FGFR2: variants seen among roughly 807,000 people sequenced by gnomAD.
The protein encoded by FGFR2 is BEK fibroblast growth factor receptor.
Under a neutral mutation model 95.9 loss-of-function variants are expected in FGFR2, and 19 were observed. The observed-to-expected ratio is 0.20, with a 90% CI of 0.14 to 0.29. FGFR2 has a LOEUF of 0.29. Among genes scored for constraint, FGFR2 ranks in the 10% least tolerant of loss-of-function variants. The pLI, the probability that FGFR2 is intolerant of heterozygous loss-of-function variation, is 1.00. For synonymous variants in FGFR2, 392 were observed against 393.3 expected (o/e 1.00, Z 0.04); for missense variants, 707 against 1,056.9 (o/e 0.67, Z 4.59).
rs1022488982 is a variant in FGFR2 at position 121,515,224 on chromosome 10, T to C, written c.1180A>G (p.Thr394Ala). The C allele has an allele frequency of 3.5e-5, 57 of 1,614,078 alleles. No individual in the cohort carries two copies. The highest frequency in any genetic ancestry group is 4.7e-5 in the Non-Finnish European group (56 of 1,180,032). Reference sequence around the variant, plus strand: ...TTCTTCATTCGGCACAGGATGACTGTTACCACCATACAGGCGATTAAGAAG... The same window carrying C: ...TTCTTCATTCGGCACAGGATGACTGCTACCACCATACAGGCGATTAAGAAG... ...GVFLIACMVV[T>A]VILCRMKNTT... is the part of the protein sequence containing the mutation. Residue 394 changes from threonine to alanine, a missense_variant, in exon 9 of 18, where the codon ACA becomes GCA. By Grantham distance (58) the Thr-to-Ala change is moderately conservative (BLOSUM62 0). This residue lies in a region of FGFR2 where 194 missense variants were observed against 267.3 expected (regional missense o/e 0.73). Transcript: ENST00000358487.
chr10:121,580,372 G>A (rs1860653752), intron 2 of FGFR2, among the ~76,000 whole-genome samples: 1 of 152,228 alleles, frequency 6.6e-6, no homozygotes, highest in South Asian at 2.1e-4. Context: ...ATTTGCAAAT[G>A]AAGCAGCAGC....
At position 121,520,644 on chromosome 10, in the gene FGFR2, A is replaced by AT. The variant is rs949178153; in HGVS notation, c.749-476dup. On this transcript the variant is annotated intron_variant, in intron 6 of 17. Coordinates refer to ENST00000358487, the MANE Select transcript of FGFR2 (RefSeq NM_000141.5). ...TCAATAGGCACATGTCTCCCAATAC[A>AT]TTTTTTTTTCTTTTCTCAGACGGGG... is the stretch of plus-strand genomic sequence containing the variant. 9.9e-5 allele frequency among the ~76,000 whole-genome samples: 15 copies of AT among 151,536 alleles called. No homozygotes were observed. In the East Asian group the frequency reaches 1.4e-3, roughly 14 times the overall value.
At chr10:121,555,698 C>T (rs1467806520) in intron 4 of FGFR2, among the ~76,000 whole-genome samples, 1 of 152,110 alleles carries the variant, frequency 6.6e-6, no homozygotes, top group Non-Finnish European at 1.5e-5. Flanking sequence ...CAGACCTAGC[C>T]ACAATCAATC....
At chr10:121,527,334 G>GACAC (rs1229914452) in intron 6 of FGFR2, among the ~76,000 whole-genome samples, 3 of 152,152 alleles carry the variant, frequency 2.0e-5, no homozygotes, top group African/African-American at 7.2e-5. Context: ...AAGTGTTTAA[G>GACAC]ACACTCTGAG....
At chr10:121,507,799 C>T (rs1417722940) in intron 9 of FGFR2, among the ~76,000 whole-genome samples, 4 of 152,302 alleles carry the variant, frequency 2.6e-5, no homozygotes, top group Middle Eastern at 3.4e-3. Flanking sequence ...ACACTTCTCT[C>T]TGGGTAACTT....
At chr10:121,564,427 A>G in intron 4 of FGFR2, 75 bp downstream of exon 4, 1 of 1,365,266 alleles carries the variant, frequency 7.3e-7, no homozygotes, top group Non-Finnish European at 1.0e-6. Flanking sequence ...AAGAGTCGAC[A>G]AGAAGACAGG....
At chr10:121,585,037 G>A (rs1438035880) in intron 2 of FGFR2, among the ~76,000 whole-genome samples, 1 of 152,050 alleles carries the variant, frequency 6.6e-6, no homozygotes, top group African/African-American at 2.4e-5. Flanking sequence ...TGGCAATGTG[G>A]CAGAGTATTT....
intron 9 of FGFR2, among the ~76,000 whole-genome samples, chr10:121,514,489 T>G (rs1316513433): frequency 6.6e-6 from 1 of 152,148 alleles, no homozygotes; most frequent in Non-Finnish European, 1.5e-5. Context: ...CATACAAATA[T>G]TCTACTAATA....
intron 2 of FGFR2, among the ~76,000 whole-genome samples, chr10:121,575,369 C>T (rs1038800292): frequency 1.3e-5 from 2 of 152,088 alleles, no homozygotes; most frequent in Non-Finnish European, 1.5e-5. Flanking sequence ...CTGATGTTTT[C>T]GGCTGTTCAT....
intron 2 of FGFR2, among the ~76,000 whole-genome samples, chr10:121,591,033 TTCC>T (rs970352985): frequency 2.0e-5 from 3 of 151,704 alleles, no homozygotes; most frequent in African/African-American, 7.3e-5. Flanking sequence ...TCTCTCTCTC[TTCC>T]AATTCACCAG....
rs1443966407 is a variant in FGFR2 at position 121,517,433 on chromosome 10, T to C, written c.970A>G (p.Ile324Val). 32 of 1,613,988 alleles carry C rather than the reference T, an allele frequency of 2.0e-5. No homozygotes were observed. Among genetic ancestry groups the C allele is most frequent in the Non-Finnish European group, 2.7e-5 (32 of 1,180,044 alleles). ...AAGVNTTDKE[I>V]EVLYIRNVTF... ...ACATTCCGAATATAGAGAACCTCAA[T>C]CTCTTTGTCCGTGGTGTTAACACCG... Residue 324 changes from isoleucine (I) to valine (V), a missense_variant, in exon 8 of 18, where the codon ATT becomes GTT. By Grantham distance (29) the Ile-to-Val change is conservative (BLOSUM62 3). This residue lies in a region of FGFR2 where 139 missense variants were observed against 278.1 expected (regional missense o/e 0.50). Coordinates refer to ENST00000358487, the MANE Select transcript of FGFR2 (RefSeq NM_000141.5). This position sits in a 1 kb window ranked among gnomAD's most constrained non-coding sequence, Gnocchi z 4.7.
In FGFR2 at chr10:121,482,070, C is replaced by T. The variant is rs2133732931; in HGVS notation, c.2301+1628G>A. The stretch of plus-strand genomic sequence containing the variant: ...GCCAGGCTGGTCTGGAACTCCTGAC[C>T]TCATGATCCGCCTGCCTCGGCCTCC... On this transcript the variant is annotated intron_variant, in intron 17 of 17. Transcript: ENST00000358487. The T allele has an allele frequency of 1.1e-5, 11 of 966,806 alleles. No homozygotes were observed. In the South Asian group the frequency reaches 1.3e-4, roughly 12 times the overall value. The allele number at this position is 966,806 out of a possible 1,614,324, so 59.9% of individuals were successfully genotyped here. A position where few individuals can be genotyped will look rare whatever the true frequency, so the allele number is the denominator to read the frequency against.
chr10:121,561,554 T>C (rs141958071), intron 4 of FGFR2, among the ~76,000 whole-genome samples: 339 of 151,408 alleles, frequency 2.2e-3, no homozygotes, highest in African/African-American at 7.7e-3. Context: ...TAACTTAAAA[T>C]AGATTACACA....
chr10:121,587,576 C>T (rs1215998563), intron 2 of FGFR2, among the ~76,000 whole-genome samples: 1 of 151,962 alleles, frequency 6.6e-6, no homozygotes, highest in Non-Finnish European at 1.5e-5. Flanking sequence ...CAAATAACCA[C>T]ATAAAAAGTA....
At chr10:121,538,749 A>G (rs372497895) in intron 5 of FGFR2, 34 bp from the exon 6 acceptor site, 5 of 1,614,140 alleles carry the variant, frequency 3.1e-6, no homozygotes, top group Non-Finnish European at 4.2e-6. Context: ...GTTATTTAAC[A>G]ATCCTAGCAC....
At chr10:121,492,624 G>C (rs183953462) in intron 13 of FGFR2, among the ~76,000 whole-genome samples, 1 of 152,216 alleles carries the variant, frequency 6.6e-6, no homozygotes, top group Non-Finnish European at 1.5e-5. Context: ...AGCCAGGGCC[G>C]GACCCTTTGC....
At chr10:121,497,825 C>T (rs542542944) in intron 12 of FGFR2, among the ~76,000 whole-genome samples, 2 of 152,308 alleles carry the variant, frequency 1.3e-5, no homozygotes, top group South Asian at 4.1e-4. Context: ...GCGACAAAGA[C>T]CATACGGCCC....
At chr10:121,482,203 A>C (rs1310089282) in intron 17 of FGFR2, 1 of 1,610,100 alleles carries the variant, frequency 6.2e-7, no homozygotes, top group Admixed American at 1.7e-5. Context: ...CAGGGATATC[A>C]GTAGATTCCA....
At chr10:121,504,733 C>T (rs1848057722) in intron 9 of FGFR2, among the ~76,000 whole-genome samples, 1 of 152,198 alleles carries the variant, frequency 6.6e-6, no homozygotes, top group Admixed American at 6.5e-5. Context: ...CACAGGGCTC[C>T]ACCGAGTTAC....
Sources: gnomAD v4.1 joint callset for allele counts (sites outside exome capture counted in the v4.1 genomes callset) on GRCh38, gnomAD v4.1.1 for gene constraint, gnomAD v4.1.1 regional missense constraint, Gnocchi (gnomAD v3.1) non-coding constraint, MANE v1.5 for transcripts, NCBI Gene and HGNC (gene_info 2026-07-23, HGNC 2026-07-21) for gene names.